DCST2: variants seen among roughly 807,000 people sequenced by gnomAD.
DCST2 encodes DC-STAMP domain-containing protein 2.
DCST2 carries 64 observed loss-of-function variants against 81.8 expected under a neutral mutation model. That is an observed-to-expected ratio of 0.78 (90% CI 0.64 to 0.96). DCST2 has a LOEUF of 0.96. Among genes scored for constraint, DCST2 ranks in the 40% least tolerant of loss-of-function variants. The probability of loss-of-function intolerance (pLI) is 0.00; values close to 1 mark genes in which losing one functional copy is unlikely to be tolerated. For missense variants in DCST2, 945 were observed against 1,001.4 expected (o/e 0.94, Z 0.76); for synonymous variants, 354 against 402.6 (o/e 0.88, Z 1.44).
intron 12 of DCST2, 160 bp downstream of exon 12, chr1:155,023,672 C>T: frequency 6.4e-7 from 1 of 1,556,548 alleles, no homozygotes; most frequent in Non-Finnish European, 8.7e-7. Context: ...AAATGAGCTA[C>T]CTGAAGGCTC....
intron 4 of DCST2, 59 bp downstream of exon 4, chr1:155,031,515 T>TTGG: frequency 7.8e-6 from 5 of 643,124 alleles, no homozygotes; most frequent in Non-Finnish European, 1.5e-5. Flanking sequence ...ACCCCCACAT[T>TTGG]CCCACCCCAC....
At chr1:155,032,286 C>T (rs1211043063) in intron 3 of DCST2, among the ~76,000 whole-genome samples, 1 of 151,760 alleles carries the variant, frequency 6.6e-6, no homozygotes, top group African/African-American at 2.4e-5. Flanking sequence ...GCCACCGCAC[C>T]TGGCCCCCCC....
intron 14 of DCST2, among the ~76,000 whole-genome samples, chr1:155,019,343 G>A (rs1374779933): frequency 2.0e-5 from 3 of 152,158 alleles, no homozygotes; most frequent in South Asian, 4.1e-4. Context: ...TTAAGATGCC[G>A]GCTCTGGACT....
chr1:155,031,188 C>A lies in DCST2; in HGVS notation c.786G>T (p.Leu262Phe), dbSNP rs1558102407. 1 of 1,592,252 alleles carries A rather than the reference C, an allele frequency of 6.3e-7. No individual in the cohort carries two copies. Among genetic ancestry groups the A allele is most frequent in the South Asian group, 1.1e-5 (1 of 88,004 alleles). Residue 262 changes from leucine to phenylalanine, a missense_variant, in exon 5 of 15, where the codon TTG becomes TTT. Leu to Phe is a conservative substitution (Grantham distance 22). Transcript: ENST00000368424. ...CVIPKYIQPF[L>F]RQTIGTPVIQ... ...ACTCACGGGTGCCGATGGTCTGGCG[C>A]AAGAAGGGTTGAATGTACTTAGGGA...
chr1:155,021,893 A>C, intron 14 of DCST2, among the ~76,000 whole-genome samples: 1 of 142,292 alleles, frequency 7.0e-6, no homozygotes, highest in African/African-American at 2.7e-5. Flanking sequence ...ACTGAGTCTC[A>C]CTCTATCATC....
Position 155,018,603 on chromosome 1 carries a change from G to A in DCST2, c.2263C>T (p.Pro755Ser), listed in dbSNP as rs765139185. 15 of 1,613,848 alleles carry A rather than the reference G, an allele frequency of 9.3e-6. No homozygotes were observed. In the South Asian group the frequency reaches 1.4e-4, roughly 15 times the overall value. Residue 755 changes from proline (P) to serine (S), a missense_variant, in exon 15 of 15, where the codon CCC becomes TCC. Physicochemically the swap from Pro to Ser is moderately conservative, Grantham distance 74. Coordinates refer to ENST00000368424, the MANE Select transcript of DCST2 (RefSeq NM_144622.3). ...TKGAPTPASE[P>S]SVPLSPPSLP... ...GAGGGAGGTGAGAGAGGGACTGAGGGTTCTGAAGCTGGAGTGGGGGCTCCT... is the reference window on the plus strand; with the variant it reads ...GAGGGAGGTGAGAGAGGGACTGAGGATTCTGAAGCTGGAGTGGGGGCTCCT...
chr1:155,030,417 C>T lies in DCST2; in HGVS notation c.1019+15G>A. 4 of 1,611,470 alleles carry T rather than the reference C, an allele frequency of 2.5e-6. No homozygotes were observed. The highest frequency in any genetic ancestry group is 2.5e-6 in the Non-Finnish European group (3 of 1,178,750). ...CCCGGCCCTGCATCCCCCACGCTGC[C>T]CGGCAGCCCCTCACTGGAGGTAGAG... is the stretch of plus-strand genomic sequence containing the variant. On this transcript the variant is annotated intron_variant, in intron 6 of 14. Transcript: ENST00000368424.
chr1:155,018,872 G>T, intron 14 of DCST2, 112 bp from the exon 15 acceptor site: 1 of 1,077,876 alleles, frequency 9.3e-7, no homozygotes, highest in Non-Finnish European at 1.3e-6. Flanking sequence ...TTCTTTCTGA[G>T]CAACTCCTGC....
intron 14 of DCST2, among the ~76,000 whole-genome samples, chr1:155,022,139 T>C (rs1659774488): frequency 6.6e-6 from 1 of 152,144 alleles, no homozygotes; most frequent in African/African-American, 2.4e-5. Context: ...AGTTCTAGGA[T>C]TACAGGCATG....
chr1:155,027,771 C>A (rs1659955163), intron 8 of DCST2, among the ~76,000 whole-genome samples: 1 of 150,650 alleles, frequency 6.6e-6, no homozygotes, highest in Non-Finnish European at 1.5e-5. Context: ...CCATGTTGGC[C>A]ATGCTGGTCT....
rs767432489 is a variant in DCST2 at position 155,026,529 on chromosome 1, C to T, written c.1510+19G>A. 23 of 1,613,760 alleles carry T rather than the reference C, an allele frequency of 1.4e-5. No homozygotes were observed. The African/African-American group carries it at 1.9e-4, about 13-fold the overall frequency. On this transcript the variant is annotated intron_variant, in intron 9 of 14. Coordinates refer to ENST00000368424, the MANE Select transcript of DCST2 (RefSeq NM_144622.3). Reference sequence around the variant, plus strand: ...ACATGGTGTCCACGCCCCCAGGGACCTCAGGGTGTAGTTGATACCAATGAC... The same window carrying T: ...ACATGGTGTCCACGCCCCCAGGGACTTCAGGGTGTAGTTGATACCAATGAC...
chr1:155,032,639 C>T (rs1660131314), intron 3 of DCST2, 28 bp downstream of exon 3: 1 of 1,606,112 alleles, frequency 6.2e-7, no homozygotes, highest in African/African-American at 1.3e-5. Flanking sequence ...ATTTTGAGTC[C>T]CCGGGATAGA....
chr1:155,029,477 G>T, intron 7 of DCST2, 80 bp from the exon 8 acceptor site: 1 of 1,424,976 alleles, frequency 7.0e-7, no homozygotes, highest in Non-Finnish European at 9.7e-7. Context: ...GAGGCCTCCT[G>T]CCCCTAATCA....
chr1:155,021,830 G>T (rs964483643), intron 14 of DCST2, among the ~76,000 whole-genome samples: 7 of 150,162 alleles, frequency 4.7e-5, no homozygotes, highest in Middle Eastern at 3.2e-3. Flanking sequence ...CCCTGCTCCT[G>T]CCCAACCTCC....
chr1:155,033,666 C>A lies in DCST2; in HGVS notation c.36G>T (p.Leu12Phe). ...TCGCCATGCTAGGCTCCTCTCCCCCCAAGGGGTGCACAACATCCTTCATGA... is the reference window on the plus strand; with the variant it reads ...TCGCCATGCTAGGCTCCTCTCCCCCAAAGGGGTGCACAACATCCTTCATGA... ...PKVMKDVVHP[L>F]GGEEPSMARA... Residue 12 changes from leucine (L) to phenylalanine (F), a missense_variant, in exon 1 of 15, where the codon TTG (leucine) becomes TTT (phenylalanine). Transcript: ENST00000368424. 3.7e-6 allele frequency: 6 copies of A among 1,614,164 alleles called. No homozygotes were observed. Among genetic ancestry groups the A allele is most frequent in the South Asian group, 1.1e-5 (1 of 91,086 alleles).
chr1:155,032,762 A>C lies in DCST2; in HGVS notation c.446T>G (p.Leu149Arg), dbSNP rs144162992. 2 of 1,613,952 alleles carry C rather than the reference A, an allele frequency of 1.2e-6. No individual in the cohort carries two copies. Among genetic ancestry groups the C allele is most frequent in the African/African-American group, 2.7e-5 (2 of 74,914 alleles). The change falls in exon 3 of 15, where the codon CTG becomes CGG. Residue 149 changes from leucine to arginine, a missense_variant. By Grantham distance (102) the Leu-to-Arg change is moderately radical. Transcript: ENST00000368424. Reference sequence around the variant, plus strand: ...CCGGGCAATAGCTTTAATCTTGTTCAGGGCACCTGATGGGTGAGGGACAGA... The same window carrying C: ...CCGGGCAATAGCTTTAATCTTGTTCCGGGCACCTGATGGGTGAGGGACAGA... ...QRAKQPLVSA[L>R]NKIKAIARKT...
intron 14 of DCST2, among the ~76,000 whole-genome samples, chr1:155,020,811 A>AT (rs1211346667): frequency 4.3e-4 from 62 of 142,652 alleles, no homozygotes; most frequent in South Asian, 1.8e-3. Context: ...ATCCTACTTG[A>AT]TTTTTTTTTT....
chr1:155,031,776 G>A lies in DCST2; in HGVS notation c.542-5C>T, dbSNP rs200419598. On this transcript the variant is annotated splice_polypyrimidine_tract_variant and splice_region_variant and intron_variant, in intron 3 of 14. Coordinates refer to ENST00000368424, the MANE Select transcript of DCST2 (RefSeq NM_144622.3). Reference sequence around the variant, plus strand: ...ACACATTCCGGAGAGCCCTGGCTGGGGACAGCTGCAGGGTTGGCACCCAGG... The same window carrying A: ...ACACATTCCGGAGAGCCCTGGCTGGAGACAGCTGCAGGGTTGGCACCCAGG... 2 of 1,613,368 alleles carry A rather than the reference G, an allele frequency of 1.2e-6. No individual in the cohort carries two copies. The highest frequency in any genetic ancestry group is 8.5e-7 in the Non-Finnish European group (1 of 1,179,936).
chr1:155,019,581 TG>T (rs374746201), intron 14 of DCST2, among the ~76,000 whole-genome samples: 55 of 152,348 alleles, frequency 3.6e-4, no homozygotes, highest in African/African-American at 1.3e-3. Context: ...CCACTGCCCC[TG>T]CTCTAACACG....
Sources: allele counts gnomAD v4.1 joint callset (sites outside exome capture counted in the v4.1 genomes callset), GRCh38; gene constraint gnomAD v4.1.1; transcripts MANE v1.5; gene names NCBI Gene and HGNC (gene_info 2026-07-23, HGNC 2026-07-21).